The following RAPGEF6 variants were observed in gnomAD, a reference collection of about 807,000 sequenced individuals.
RAPGEF6 encodes Rap guanine nucleotide exchange factor 6, also known as PDZ domain containing guanine nucleotide exchange factor (GEF) 2.
In RAPGEF6, 56 loss-of-function variants were observed where a neutral mutation model predicts 171.4. That is an observed-to-expected ratio of 0.33 (90% CI 0.26 to 0.41). The LOEUF (loss-of-function observed/expected upper bound fraction) is 0.41, where lower values mean the gene tolerates loss of function less well. Ranked by LOEUF, RAPGEF6 falls within the 10% of genes least tolerant of loss-of-function variation. The pLI is 1.00. For synonymous variants in RAPGEF6, 692 were observed against 650.1 expected (o/e 1.06, Z -0.98); for missense variants, 1,674 against 1,921.4 (o/e 0.87, Z 2.41).
chr5:131,499,823 T>C (rs1292430819), intron 11 of RAPGEF6, among the ~76,000 whole-genome samples: 1 of 152,186 alleles, frequency 6.6e-6, no homozygotes, highest in Non-Finnish European at 1.5e-5. Flanking sequence ...TAAACATACA[T>C]TAATACTAAC....
At chr5:131,504,827 T>C (rs763170663) in intron 10 of RAPGEF6, 49 bp from the exon 11 acceptor site, 2 of 1,515,144 alleles carry the variant, frequency 1.3e-6, no homozygotes, top group Non-Finnish European at 8.9e-7. Context: ...AGTACATAAA[T>C]ATATCACTAT....
At chr5:131,505,336 G>C in intron 10 of RAPGEF6, 28 bp downstream of exon 10, 1 of 1,610,342 alleles carries the variant, frequency 6.2e-7, no homozygotes, top group Non-Finnish European at 8.5e-7. Flanking sequence ...CAACAGACAA[G>C]AAGACTTGAC....
At position 131,431,214 on chromosome 5, in the gene RAPGEF6, G is replaced by T; in HGVS notation, c.4110C>A (p.Ser1370Arg). ...GGCTTTGGAAGTTGTCATGGGAGCT[G>T]CTTGAACACGAAGTCCAACTTCCAC... ...SGRGSWTSCSSSSHDNFQSLP... is the reference protein window; with the variant it reads ...SGRGSWTSCSRSSHDNFQSLP... The change falls in exon 26 of 28, where the codon AGC becomes AGA. Residue 1370 changes from serine to arginine, a missense_variant. Transcript: ENST00000509018. The T allele has an allele frequency of 6.2e-7, 1 of 1,614,200 alleles. No homozygotes were observed. Among genetic ancestry groups the T allele is most frequent in the Non-Finnish European group, 8.5e-7 (1 of 1,180,036 alleles).
intron 17 of RAPGEF6, chr5:131,469,914 ACTT>A (rs1425894219): frequency 6.5e-6 from 6 of 917,118 alleles, no homozygotes; most frequent in Non-Finnish European, 9.7e-6. Context: ...TCTAGTAATA[ACTT>A]TGAAAATGAA....
chr5:131,587,522 T>C (rs1349996544), intron 4 of RAPGEF6, among the ~76,000 whole-genome samples: 1 of 146,750 alleles, frequency 6.8e-6, no homozygotes, highest in African/African-American at 2.8e-5. Context: ...CTCACTAACA[T>C]GTAGATTTAT....
intron 4 of RAPGEF6, among the ~76,000 whole-genome samples, chr5:131,572,079 A>G (rs1003445215): frequency 3.3e-5 from 5 of 152,176 alleles, no homozygotes; most frequent in Non-Finnish European, 5.9e-5. Context: ...TCTTGGACTC[A>G]GCCCACTTGA....
intron 6 of RAPGEF6, among the ~76,000 whole-genome samples, chr5:131,531,296 T>C (rs1416692719): frequency 5.9e-5 from 9 of 152,194 alleles, no homozygotes; most frequent in Non-Finnish European, 7.4e-5. Flanking sequence ...TGTTACAATT[T>C]AAATGTTTTG....
At position 131,473,027 on chromosome 5, in the gene RAPGEF6, G is replaced by A. The variant is rs193260283; in HGVS notation, c.2082-283C>T. 5.3e-3 allele frequency: 1,691 copies of A among 321,806 alleles called. 7 individuals carry two copies. Among genetic ancestry groups the A allele is most frequent in the Non-Finnish European group, 6.9e-3 (1,204 of 174,342 alleles). 19.9% of individuals were successfully genotyped at this position (321,806 alleles called of 1,614,324 possible). On this transcript the variant is annotated intron_variant, in intron 16 of 27. Coordinates refer to ENST00000509018, the MANE Select transcript of RAPGEF6 (RefSeq NM_016340.6). ...GTCTACCAGTTTGGGTGAAGAAACT[G>A]AACCTGAGTATTTAGGGAACCCTTC...
At chr5:131,605,353 G>A (rs1286793447) in intron 1 of RAPGEF6, among the ~76,000 whole-genome samples, 1 of 152,150 alleles carries the variant, frequency 6.6e-6, no homozygotes, top group African/African-American at 2.4e-5. Flanking sequence ...ACAGCAAATA[G>A]TATTGTACCA....
At chr5:131,546,192 A>T (rs1196218642) in intron 6 of RAPGEF6, among the ~76,000 whole-genome samples, 2 of 152,244 alleles carry the variant, frequency 1.3e-5, no homozygotes, top group African/African-American at 4.8e-5. Flanking sequence ...TCTAGCTCAC[A>T]CTAGGAAAAC....
At chr5:131,516,041 A>G (rs1758048758) in intron 7 of RAPGEF6, among the ~76,000 whole-genome samples, 2 of 122,378 alleles carry the variant, frequency 1.6e-5, no homozygotes, top group South Asian at 5.9e-4. Flanking sequence ...GACTCAGATG[A>G]TATCCTTTTT....
chr5:131,600,469 C>T (rs1388436763), intron 3 of RAPGEF6, among the ~76,000 whole-genome samples: 1 of 151,202 alleles, frequency 6.6e-6, no homozygotes, highest in East Asian at 2.0e-4. Context: ...TTGTAGTAAG[C>T]CGAGATCGCG....
chr5:131,562,876 G>A (rs1761692545), intron 4 of RAPGEF6, among the ~76,000 whole-genome samples: 2 of 151,944 alleles, frequency 1.3e-5, no homozygotes, highest in Admixed American at 1.3e-4. Flanking sequence ...TAGATATAAA[G>A]ATGACTTCTT....
At chr5:131,441,495 T>C (rs189575171) in intron 23 of RAPGEF6, among the ~76,000 whole-genome samples, 231 of 152,344 alleles carry the variant, frequency 1.5e-3, no homozygotes, top group Admixed American at 4.2e-3. Context: ...ACCAATCTTT[T>C]AGGCTGCTTA....
chr5:131,432,921 G>T (rs1292214536), intron 25 of RAPGEF6, among the ~76,000 whole-genome samples: 2 of 151,896 alleles, frequency 1.3e-5, no homozygotes, highest in Non-Finnish European at 2.9e-5. Context: ...CTTTCTCAAA[G>T]ATTTCCACGT....
intron 4 of RAPGEF6, among the ~76,000 whole-genome samples, chr5:131,570,685 A>T (rs966182333): frequency 1.3e-5 from 2 of 152,188 alleles, no homozygotes; most frequent in African/African-American, 2.4e-5. Context: ...AAAAAACTAG[A>T]TTAAAAAACT....
Position 131,504,755 on chromosome 5 carries a change from A to G in RAPGEF6, c.1125T>C (p.Asp375=). The change falls in exon 11 of 28, where the codon GAT becomes GAC. Residue 375 remains aspartate (D), a synonymous_variant. Transcript: ENST00000509018. ...DCQFVCIAQQ[D]YWRILNHVEK... ...CCACATGGTTTAAAATTCTCCAATA[A>G]TCTTGCTGGGCTATGCAGACAAACT... The G allele has an allele frequency of 6.2e-7, 1 of 1,613,340 alleles. No homozygotes were observed. Among genetic ancestry groups the G allele is most frequent in the Non-Finnish European group, 8.5e-7 (1 of 1,179,640 alleles).
chr5:131,485,022 G>A (rs1421347153), intron 15 of RAPGEF6, among the ~76,000 whole-genome samples: 1 of 152,142 alleles, frequency 6.6e-6, no homozygotes, highest in Non-Finnish European at 1.5e-5. Context: ...GAACTCCTGG[G>A]TTCAAGTGAT....
chr5:131,562,114 AAAAC>A (rs753392451), intron 4 of RAPGEF6, 67 bp from the exon 5 acceptor site: 243 of 1,090,402 alleles, frequency 2.2e-4, no homozygotes, highest in South Asian at 1.0e-3. Flanking sequence ...ATAGGAAAAG[AAAAC>A]AAACAAACAA....
Sources: allele counts gnomAD v4.1 joint callset (sites outside exome capture counted in the v4.1 genomes callset), GRCh38; gene constraint gnomAD v4.1.1; transcripts MANE v1.5; gene names NCBI Gene and HGNC (gene_info 2026-07-23, HGNC 2026-07-21).